NTNG1: variants seen among roughly 807,000 people sequenced by gnomAD.
The protein encoded by NTNG1 is netrin G1.
A neutral mutation model predicts 54.0 loss-of-function variants in NTNG1; 16 were observed. The ratio of observed to expected loss-of-function variants is 0.30; its 90% CI spans 0.20 to 0.45. NTNG1 has a LOEUF of 0.45. NTNG1 is among the 20% of genes least tolerant of loss of function. The probability of loss-of-function intolerance (pLI) is 1.00; values close to 1 mark genes in which losing one functional copy is unlikely to be tolerated. For synonymous variants in NTNG1, 255 were observed against 263.1 expected (o/e 0.97, Z 0.30); for missense variants, 530 against 678.7 (o/e 0.78, Z 2.43).
chr1:107,176,722 C>T (rs1197152151), intron 2 of NTNG1, among the ~76,000 whole-genome samples: 1 of 152,144 alleles, frequency 6.6e-6, no homozygotes, highest in Non-Finnish European at 1.5e-5. Flanking sequence ...TTCATTTACC[C>T]ATCCAGGTTG....
intron 2 of NTNG1, among the ~76,000 whole-genome samples, chr1:107,274,317 G>A (rs1344530381): frequency 6.6e-6 from 1 of 152,168 alleles, no homozygotes; most frequent in Non-Finnish European, 1.5e-5. Context: ...AAATGAAATC[G>A]CTAGGAATTT....
At chr1:107,303,259 C>A (rs1285948145) in intron 2 of NTNG1, among the ~76,000 whole-genome samples, 1 of 152,148 alleles carries the variant, frequency 6.6e-6, no homozygotes, top group East Asian at 1.9e-4. Flanking sequence ...TGAACTAATA[C>A]TGAGGAAAAT....
chr1:107,430,613 C>A (rs562098261), intron 5 of NTNG1, 137 bp from the exon 6 acceptor site: 152 of 877,056 alleles, frequency 1.7e-4, no homozygotes, highest in Non-Finnish European at 2.7e-4. Context: ...CTGTTGCCAC[C>A]ATGTGTTGTG....
intron 3 of NTNG1, among the ~76,000 whole-genome samples, chr1:107,339,118 G>A (rs1364759750): frequency 6.6e-6 from 1 of 151,956 alleles, no homozygotes; most frequent in Non-Finnish European, 1.5e-5. Context: ...GGCTGATTAT[G>A]GATGGAGGAA....
intron 2 of NTNG1, among the ~76,000 whole-genome samples, chr1:107,294,156 G>T (rs1665796802): frequency 6.6e-6 from 1 of 152,148 alleles, no homozygotes; most frequent in Non-Finnish European, 1.5e-5. Context: ...CTTCAGTCGT[G>T]GTGTGTATCC....
At chr1:107,337,660 A>G (rs1668665038) in intron 3 of NTNG1, among the ~76,000 whole-genome samples, 1 of 152,022 alleles carries the variant, frequency 6.6e-6, no homozygotes, top group South Asian at 2.1e-4. Flanking sequence ...TGCACAAACA[A>G]TACTCCTTGA....
At chr1:107,242,272 C>T (rs372786338) in intron 2 of NTNG1, among the ~76,000 whole-genome samples, 1 of 152,116 alleles carries the variant, frequency 6.6e-6, no homozygotes. Context: ...GGCAAGATTA[C>T]ACTACTACAC....
At chr1:107,448,268 G>T (rs185740690) in intron 7 of NTNG1, among the ~76,000 whole-genome samples, 99 of 152,142 alleles carry the variant, frequency 6.5e-4, no homozygotes, top group Non-Finnish European at 5.7e-4. Flanking sequence ...TAATGACAAT[G>T]GACACTATTA....
chr1:107,260,893 G>C (rs534973117), intron 2 of NTNG1: 2 of 152,254 alleles, frequency 1.3e-5, no homozygotes, highest in Non-Finnish European at 2.9e-5. Context: ...CTGATTCAAA[G>C]CCAATATTTT....
At chr1:107,311,116 A>G (rs1297524897) in intron 2 of NTNG1, among the ~76,000 whole-genome samples, 1 of 152,134 alleles carries the variant, frequency 6.6e-6, no homozygotes, top group Non-Finnish European at 1.5e-5. Flanking sequence ...TCTACCTTAT[A>G]TCTGACAATT....
chr1:107,410,950 G>A (rs1005974650), intron 5 of NTNG1, among the ~76,000 whole-genome samples: 1 of 152,094 alleles, frequency 6.6e-6, no homozygotes, highest in Non-Finnish European at 1.5e-5. Flanking sequence ...TGACAGATGA[G>A]TCAGAGGTTA....
At chr1:107,269,903 A>G (rs1359217258) in intron 2 of NTNG1, among the ~76,000 whole-genome samples, 1 of 152,254 alleles carries the variant, frequency 6.6e-6, no homozygotes, top group Non-Finnish European at 1.5e-5. Context: ...TTCTGTACGG[A>G]TGCCCTCACA....
chr1:107,410,609 T>C (rs567264592), intron 5 of NTNG1: 25 of 152,188 alleles, frequency 1.6e-4, no homozygotes, highest in Non-Finnish European at 3.5e-4. Context: ...ATGTTTTCAC[T>C]TTACCTGATG....
intron 2 of NTNG1, among the ~76,000 whole-genome samples, chr1:107,177,410 C>G (rs1391465794): frequency 6.6e-6 from 1 of 152,038 alleles, no homozygotes; most frequent in Non-Finnish European, 1.5e-5. Context: ...TCTCAGCTCA[C>G]TGCAACCTCC....
intron 2 of NTNG1, among the ~76,000 whole-genome samples, chr1:107,271,183 A>C (rs1017327731): frequency 1.3e-5 from 2 of 152,226 alleles, no homozygotes; most frequent in African/African-American, 2.4e-5. Context: ...ACTATATTTT[A>C]ATTGATATTG....
chr1:107,293,021 A>T (rs1665720837), intron 2 of NTNG1, among the ~76,000 whole-genome samples: 1 of 152,176 alleles, frequency 6.6e-6, no homozygotes, highest in African/African-American at 2.4e-5. Flanking sequence ...GGAAGCAAGA[A>T]TTGAGGTTGC....
intron 2 of NTNG1, among the ~76,000 whole-genome samples, chr1:107,178,089 C>G (rs1656782564): frequency 6.6e-6 from 1 of 152,168 alleles, no homozygotes; most frequent in South Asian, 2.1e-4. Flanking sequence ...CTTGCAAATG[C>G]AACTAAGTCT....
intron 2 of NTNG1, among the ~76,000 whole-genome samples, chr1:107,186,350 C>T (rs1403009706): frequency 1.3e-5 from 2 of 152,162 alleles, no homozygotes; most frequent in Non-Finnish European, 2.9e-5. Context: ...CTAAACCACT[C>T]AGCACCAAGT....
At chr1:107,187,561 G>A (rs534850138) in intron 2 of NTNG1, among the ~76,000 whole-genome samples, 46 of 152,234 alleles carry the variant, frequency 3.0e-4, no homozygotes, top group African/African-American at 1.1e-3. Flanking sequence ...AGGATAGGGG[G>A]TTGCCCTTTC....
Sources: allele counts gnomAD v4.1 joint callset (sites outside exome capture counted in the v4.1 genomes callset), GRCh38; gene constraint gnomAD v4.1.1; transcripts MANE v1.5; gene names NCBI Gene and HGNC (gene_info 2026-07-23, HGNC 2026-07-21).